Variants in PBX3 observed in about 807,000 individuals in gnomAD.
PBX3 encodes the protein pre-B-cell leukemia transcription factor 3.
PBX3 carries 14 observed loss-of-function variants against 48.5 expected under a neutral mutation model. The observed-to-expected ratio is 0.29, with a 90% CI of 0.19 to 0.45. PBX3 has a LOEUF of 0.45. Ranked by LOEUF, PBX3 falls within the 20% of genes least tolerant of loss-of-function variation. The pLI is 1.00. For synonymous variants in PBX3, 210 were observed against 200.3 expected, an observed-to-expected ratio of 1.05 and a Z score of -0.41; for missense variants, 386 against 546.7, an observed-to-expected ratio of 0.71 and a Z score of 2.93.
At position 125,787,272 on chromosome 9, in the gene PBX3, A is replaced by G. The variant is rs190416214; in HGVS notation, c.274+38649A>G. ...CCTAGGCTGATGTAGAGAAGTTTATAAGTGGGAATTGGAAAGCTGAGGGAA... is the reference window on the plus strand; with the variant it reads ...CCTAGGCTGATGTAGAGAAGTTTATGAGTGGGAATTGGAAAGCTGAGGGAA... On this transcript the variant is annotated intron_variant, in intron 2 of 8. Transcript: ENST00000373489. Among the ~76,000 whole-genome samples the G allele has an allele frequency of 1.4e-4, 21 of 152,054 alleles. No individual in the cohort carries two copies. The East Asian group carries it at 3.9e-3, about 28-fold the overall frequency.
At chr9:125,784,191 C>T (rs759143231) in intron 2 of PBX3, among the ~76,000 whole-genome samples, 14 of 152,126 alleles carry the variant, frequency 9.2e-5, no homozygotes, top group South Asian at 4.1e-4. Flanking sequence ...TACAGTGGTG[C>T]GATCTTGGCT....
chr9:125,875,239 TTA>T (rs996889279), intron 2 of PBX3, among the ~76,000 whole-genome samples: 1 of 152,152 alleles, frequency 6.6e-6, no homozygotes, highest in Non-Finnish European at 1.5e-5. Context: ...TCTCATTTCT[TTA>T]TACATGTTTT....
At chr9:125,763,789 A>G (rs1486949270) in intron 2 of PBX3, among the ~76,000 whole-genome samples, 2 of 152,188 alleles carry the variant, frequency 1.3e-5, no homozygotes, top group Non-Finnish European at 2.9e-5. Flanking sequence ...GAAAAGCAAA[A>G]GGCTGTTTTC....
chr9:125,816,308 C>G (rs1838460807), intron 2 of PBX3, among the ~76,000 whole-genome samples: 1 of 152,088 alleles, frequency 6.6e-6, no homozygotes. Context: ...CTTCCCCCTT[C>G]TCAATGGTAT....
intron 2 of PBX3, among the ~76,000 whole-genome samples, chr9:125,792,812 C>T (rs1284781021): frequency 1.3e-5 from 2 of 151,280 alleles, no homozygotes; most frequent in Non-Finnish European, 2.9e-5. Flanking sequence ...AATTCTCCTG[C>T]CTCAGCCTCC....
chr9:125,941,631 A>C (rs1377239046), intron 5 of PBX3, among the ~76,000 whole-genome samples: 2 of 152,146 alleles, frequency 1.3e-5, no homozygotes, highest in African/African-American at 4.8e-5. Context: ...CAGAATTTGA[A>C]ATTTCTGATT....
chr9:125,892,480 A>C (rs1301279360), intron 2 of PBX3, among the ~76,000 whole-genome samples: 3 of 152,188 alleles, frequency 2.0e-5, no homozygotes, highest in Admixed American at 6.5e-5. Context: ...ATATTCTTAC[A>C]TGGTATCATT....
chr9:125,852,429 G>A (rs1362321297), intron 2 of PBX3, among the ~76,000 whole-genome samples: 3 of 152,110 alleles, frequency 2.0e-5, no homozygotes, highest in Non-Finnish European at 2.9e-5. Flanking sequence ...GTTAATGTGG[G>A]AGGTTATCTA....
chr9:125,836,147 TA>T lies in PBX3; in HGVS notation c.275-79531del, dbSNP rs201048002. Among the ~76,000 whole-genome samples, 1,179 of 151,990 alleles carry T rather than the reference TA, an allele frequency of 7.8e-3. 7 individuals are homozygous for T. Among genetic ancestry groups the T allele is most frequent in the African/African-American group, 0.025 (1,057 of 41,458 alleles). On this transcript the variant is annotated intron_variant, in intron 2 of 8. Transcript: ENST00000373489. ...CATGTTCTCACTGATAAGTGGAAGCTAAAAAAAATTGATCTTGGCTGGGCGC... is the reference window on the plus strand; with the variant it reads ...CATGTTCTCACTGATAAGTGGAAGCTAAAAAAATTGATCTTGGCTGGGCGC...
At chr9:125,850,330 G>C (rs1839545162) in intron 2 of PBX3, among the ~76,000 whole-genome samples, 1 of 152,048 alleles carries the variant, frequency 6.6e-6, no homozygotes, top group African/African-American at 2.4e-5. Flanking sequence ...TGTTCTAACT[G>C]ATGTCAAAAG....
chr9:125,780,540 C>T (rs867835402), intron 2 of PBX3, among the ~76,000 whole-genome samples: 18 of 135,494 alleles, frequency 1.3e-4, no homozygotes, highest in African/African-American at 3.4e-4. Flanking sequence ...CCCTCCTGGA[C>T]GGGGTGGCTG....
Position 125,897,148 on chromosome 9 carries a change from T to TG in PBX3, c.275-18538_275-18537insG, listed in dbSNP as rs1554725505. 2.7e-5 allele frequency among the ~76,000 whole-genome samples: 4 copies of TG among 148,040 alleles called. No individual in the cohort carries two copies. The East Asian group carries it at 5.9e-4, about 22-fold the overall frequency. ...GCTTTATATTCATTTGTGGTTTTTT[T>TG]TTTTTTTTTTTTTTCCTGTGCAAAC... On this transcript the variant is annotated intron_variant, in intron 2 of 8. Coordinates refer to ENST00000373489, the MANE Select transcript of PBX3 (RefSeq NM_006195.6).
intron 2 of PBX3, among the ~76,000 whole-genome samples, chr9:125,892,601 G>A (rs1840675265): frequency 6.6e-6 from 1 of 152,098 alleles, no homozygotes. Context: ...TACAAAGTAG[G>A]TGGCCTGAAG....
intron 3 of PBX3, among the ~76,000 whole-genome samples, chr9:125,921,401 AGT>A (rs1841455092): frequency 6.6e-6 from 1 of 152,118 alleles, no homozygotes; most frequent in Admixed American, 6.5e-5. Context: ...TATTAGATAA[AGT>A]GTGGACTTGC....
chr9:125,781,887 A>G (rs1006874471), intron 2 of PBX3, among the ~76,000 whole-genome samples: 3 of 150,626 alleles, frequency 2.0e-5, no homozygotes, highest in African/African-American at 4.9e-5. Context: ...GGTATGTTGT[A>G]TTTTCCTAAG....
intron 2 of PBX3, among the ~76,000 whole-genome samples, chr9:125,824,324 G>C (rs538707602): frequency 6.6e-6 from 1 of 152,152 alleles, no homozygotes; most frequent in Non-Finnish European, 1.5e-5. Flanking sequence ...TCTGTCTTGG[G>C]TGTGTGCTAG....
chr9:125,839,023 A>T, intron 2 of PBX3, among the ~76,000 whole-genome samples: 1 of 152,112 alleles, frequency 6.6e-6, no homozygotes, highest in Admixed American at 6.6e-5. Context: ...GGTTCAGAAT[A>T]TGGGATTTGG....
intron 2 of PBX3, among the ~76,000 whole-genome samples, chr9:125,792,279 A>G (rs2132067442): frequency 6.6e-6 from 1 of 152,294 alleles, no homozygotes; most frequent in Middle Eastern, 3.4e-3. Context: ...GGTAGAGGAA[A>G]CAGCATTTTC....
At chr9:125,932,898 C>T (rs2132522074) in intron 4 of PBX3, among the ~76,000 whole-genome samples, 1 of 152,278 alleles carries the variant, frequency 6.6e-6, no homozygotes, top group South Asian at 2.1e-4. Context: ...AGTCTCTTCT[C>T]CCATAGAGAT....
Sources: gnomAD v4.1 joint callset for allele counts (sites outside exome capture counted in the v4.1 genomes callset) on GRCh38, gnomAD v4.1.1 for gene constraint, MANE v1.5 for transcripts, NCBI Gene and HGNC (gene_info 2026-07-23, HGNC 2026-07-21) for gene names.